Variants in PEX5L observed in about 807,000 individuals in gnomAD.
PEX5L encodes peroxisomal biogenesis factor 5 like, also known as PEX5-related protein.
Under a neutral mutation model 84.0 loss-of-function variants are expected in PEX5L, and 30 were observed. That is an observed-to-expected ratio of 0.36 (90% CI 0.27 to 0.48). PEX5L has a LOEUF of 0.48. PEX5L is among the 20% of genes least tolerant of loss of function. The pLI, the probability that PEX5L is intolerant of heterozygous loss-of-function variation, is 0.99. For missense variants in PEX5L, 533 were observed against 754.6 expected, an observed-to-expected ratio of 0.71 and a Z score of 3.44; for synonymous variants, 270 against 283.1, an observed-to-expected ratio of 0.95 and a Z score of 0.46.
chr3:179,837,152 A>C (rs899694087), intron 8 of PEX5L, among the ~76,000 whole-genome samples: 4 of 152,128 alleles, frequency 2.6e-5, no homozygotes, highest in African/African-American at 9.7e-5. Context: ...CTGGCTATAA[A>C]TTTTCAACTA....
intron 1 of PEX5L, among the ~76,000 whole-genome samples, chr3:179,972,168 C>G (rs1054098911): frequency 1.3e-5 from 2 of 152,010 alleles, no homozygotes; most frequent in Non-Finnish European, 2.9e-5. Flanking sequence ...CAGATGAATA[C>G]TGACATTGGA....
At chr3:180,005,202 A>G (rs191396880) in intron 1 of PEX5L, among the ~76,000 whole-genome samples, 47 of 152,316 alleles carry the variant, frequency 3.1e-4, no homozygotes, top group Admixed American at 1.9e-3. Context: ...TCAAATTGCT[A>G]CTTCTGAAAA....
intron 10 of PEX5L, among the ~76,000 whole-genome samples, chr3:179,812,652 T>C (rs1401509581): frequency 6.6e-6 from 1 of 152,124 alleles, no homozygotes; most frequent in African/African-American, 2.4e-5. Flanking sequence ...TTTTTATATC[T>C]AGAATTAAAG....
chr3:179,953,233 A>T lies in PEX5L; in HGVS notation c.93+18361T>A, dbSNP rs532687575. 3.9e-5 allele frequency among the ~76,000 whole-genome samples: 6 copies of T among 152,322 alleles called. No individual in the cohort carries two copies. In the South Asian group the frequency reaches 1.0e-3, roughly 26 times the overall value. On this transcript the variant is annotated intron_variant, in intron 2 of 14. Coordinates refer to ENST00000467460, the MANE Select transcript of PEX5L (RefSeq NM_016559.3). ...TAAAACACCAAAAGCAATGGCAACA[A>T]AAGCCACAATTGACAAATGGGATCT...
intron 7 of PEX5L, among the ~76,000 whole-genome samples, chr3:179,867,684 G>A (rs1436768923): frequency 1.3e-5 from 2 of 152,078 alleles, no homozygotes; most frequent in Admixed American, 6.6e-5. Context: ...CTTGCCTCGC[G>A]GAGAGTAAAC....
At chr3:180,035,670 G>C (rs1019142469) in intron 1 of PEX5L, among the ~76,000 whole-genome samples, 5 of 152,120 alleles carry the variant, frequency 3.3e-5, no homozygotes, top group African/African-American at 1.2e-4. Flanking sequence ...ATTCATAAAT[G>C]TTATACACCA....
intron 8 of PEX5L, among the ~76,000 whole-genome samples, chr3:179,831,544 T>G (rs1732949715): frequency 1.3e-5 from 2 of 152,198 alleles, no homozygotes; most frequent in Non-Finnish European, 2.9e-5. Flanking sequence ...AGTGTAGCAG[T>G]GAGCAAGAGA....
Position 179,999,762 on chromosome 3 carries a change from C to T in PEX5L, c.22-28097G>A, listed in dbSNP as rs190846415. On this transcript the variant is annotated intron_variant, in intron 1 of 14. Transcript: ENST00000467460. ...CAGCATTGCCTCTGACCAAGTCACT[C>T]GCTTTATGGCTAAAGAAGTGTGGCA... Among the ~76,000 whole-genome samples, 342 of 152,314 alleles carry T rather than the reference C, an allele frequency of 2.2e-3. 3 individuals are homozygous for T. Among genetic ancestry groups the T allele is most frequent in the African/African-American group, 7.5e-3 (311 of 41,582 alleles).
At chr3:179,888,319 T>A (rs1756538630) in intron 3 of PEX5L, 1 of 334,782 alleles carries the variant, frequency 3.0e-6, no homozygotes, top group East Asian at 7.8e-5. Context: ...TTCCTTGGAA[T>A]GCTTTTGTAT....
chr3:180,021,165 G>T (rs1324921491), intron 1 of PEX5L, among the ~76,000 whole-genome samples: 1 of 152,150 alleles, frequency 6.6e-6, no homozygotes, highest in Admixed American at 6.5e-5. Flanking sequence ...GCAAGGATCG[G>T]CCAGGTAGGT....
intron 14 of PEX5L, among the ~76,000 whole-genome samples, chr3:179,803,032 G>A (rs1318315399): frequency 6.6e-6 from 1 of 152,056 alleles, no homozygotes; most frequent in Non-Finnish European, 1.5e-5. Context: ...AATCAATGAG[G>A]TCAAAATTAT....
In PEX5L at chr3:179,942,668, T is replaced by G. The variant is rs115208338; in HGVS notation, c.93+28926A>C. Reference sequence around the variant, plus strand: ...ACTGGGACGCACACATGGAAGACAGTGGACTGGGACAGAGTTCACCTGTCA... The same window carrying G: ...ACTGGGACGCACACATGGAAGACAGGGGACTGGGACAGAGTTCACCTGTCA... On this transcript the variant is annotated intron_variant, in intron 2 of 14. Transcript: ENST00000467460. Among the ~76,000 whole-genome samples the G allele has an allele frequency of 3.0e-3, 452 of 152,320 alleles. 2 individuals are homozygous for G. The highest frequency in any genetic ancestry group is 0.011 in the African/African-American group (439 of 41,574).
intron 3 of PEX5L, chr3:179,888,040 T>C: frequency 1.1e-6 from 1 of 926,746 alleles, no homozygotes; most frequent in Non-Finnish European, 1.6e-6. Context: ...CCTCCTGAAA[T>C]ATGATTATTC....
intron 9 of PEX5L, 135 bp from the exon 10 acceptor site, chr3:179,816,139 T>C (rs374205079): frequency 1.0e-5 from 8 of 783,042 alleles, no homozygotes; most frequent in African/African-American, 6.9e-5. Flanking sequence ...ACTTTTACAC[T>C]GTTGGTGGGA....
At chr3:179,889,006 G>A (rs1756797986) in intron 3 of PEX5L, among the ~76,000 whole-genome samples, 1 of 151,914 alleles carries the variant, frequency 6.6e-6, no homozygotes, top group African/African-American at 2.4e-5. Flanking sequence ...TGAACTCCTG[G>A]GCTCAAGCAA....
At chr3:179,914,410 G>C (rs574168578) in intron 2 of PEX5L, among the ~76,000 whole-genome samples, 1 of 152,190 alleles carries the variant, frequency 6.6e-6, no homozygotes, top group South Asian at 2.1e-4. Context: ...TTCCCTTCTC[G>C]TCATCTTTAC....
rs1791930132 is a variant in PEX5L at position 180,036,591 on chromosome 3, C to T, written c.9G>A (p.Gln3=). 1.3e-5 allele frequency: 21 copies of T among 1,614,194 alleles called. No individual in the cohort carries two copies. Among genetic ancestry groups the T allele is most frequent in the Non-Finnish European group, 1.5e-5 (18 of 1,179,996 alleles). ...AGAAATGTCTTACCTGCATGTGTCCCTGGTACATTCTGCTTCGGTTTCTTC... is the reference window on the plus strand; with the variant it reads ...AGAAATGTCTTACCTGCATGTGTCCTTGGTACATTCTGCTTCGGTTTCTTC... MY[Q]GHMQKSKEQG... is the part of the protein sequence containing the mutation. The change falls in exon 1 of 15, where the codon CAG becomes CAA. Residue 3 remains glutamine (Q), a synonymous_variant. Transcript: ENST00000467460.
chr3:180,016,020 T>A (rs1258798649), intron 1 of PEX5L, among the ~76,000 whole-genome samples: 1 of 151,902 alleles, frequency 6.6e-6, no homozygotes, highest in East Asian at 1.9e-4. Flanking sequence ...TGGCTGATAG[T>A]GATTTAGGTC....
At chr3:180,009,582 T>A (rs1426585851) in intron 1 of PEX5L, among the ~76,000 whole-genome samples, 3 of 151,866 alleles carry the variant, frequency 2.0e-5, no homozygotes. Context: ...TTTTCTTTTT[T>A]TTTTGTTTTT....
Sources: allele counts gnomAD v4.1 joint callset (sites outside exome capture counted in the v4.1 genomes callset), GRCh38; gene constraint gnomAD v4.1.1; transcripts MANE v1.5; gene names NCBI Gene and HGNC (gene_info 2026-07-23, HGNC 2026-07-21).